The following TMEM132D variants were observed in gnomAD, a reference collection of about 807,000 sequenced individuals.
TMEM132D encodes mature OL transmembrane protein.
A neutral mutation model predicts 62.3 loss-of-function variants in TMEM132D; 21 were observed. The observed-to-expected ratio is 0.34, with a 90% CI of 0.24 to 0.49. The LOEUF is 0.49. TMEM132D is among the 20% of genes least tolerant of loss of function. The pLI, the probability that TMEM132D is intolerant of heterozygous loss-of-function variation, is 0.99. For missense variants in TMEM132D, 1,346 were observed against 1,402.8 expected (o/e 0.96, Z 0.65); for synonymous variants, 621 against 575.6 (o/e 1.08, Z -1.13).
rs1349881137 is a variant in TMEM132D at position 129,072,015 on chromosome 12, G to C, written c.*1860C>G. 1 of 152,180 alleles carries C rather than the reference G, an allele frequency of 6.6e-6. No homozygotes were observed. Among genetic ancestry groups the C allele is most frequent in the Non-Finnish European group, 1.5e-5 (1 of 68,034 alleles). The allele number at this position is 152,180 out of a possible 1,614,324, so 9.4% of individuals were successfully genotyped here. A position where few individuals can be genotyped will look rare whatever the true frequency, so the allele number is the denominator to read the frequency against. On this transcript the variant is annotated 3_prime_UTR_variant, in exon 9 of 9. Coordinates refer to ENST00000422113, the MANE Select transcript of TMEM132D (RefSeq NM_133448.3). Reference sequence around the variant, plus strand: ...GGCTGCAGAAACCTCAGTCTCAAGAGCACCACAGTTGCAGGGGAGAGGGCT... The same window carrying C: ...GGCTGCAGAAACCTCAGTCTCAAGACCACCACAGTTGCAGGGGAGAGGGCT...
chr12:129,501,893 TA>T (rs1875155337), intron 3 of TMEM132D, among the ~76,000 whole-genome samples: 1 of 152,192 alleles, frequency 6.6e-6, no homozygotes, highest in African/African-American at 2.4e-5. Context: ...AACTGGCTCC[TA>T]AAAATCTAGG....
intron 1 of TMEM132D, among the ~76,000 whole-genome samples, chr12:129,723,566 GA>G (rs1326722497): frequency 1.3e-5 from 2 of 152,290 alleles, no homozygotes; most frequent in Non-Finnish European, 2.9e-5. Flanking sequence ...GCAGACCCCA[GA>G]AATCTCAGCT....
intron 5 of TMEM132D, among the ~76,000 whole-genome samples, chr12:129,099,278 T>G (rs932736313): frequency 1.3e-5 from 2 of 152,230 alleles, no homozygotes; most frequent in African/African-American, 4.8e-5. Context: ...GTAACAACTC[T>G]GTGATTTTCT....
chr12:129,084,721 G>T lies in TMEM132D; in HGVS notation c.1444-19C>A. 6.2e-7 allele frequency: 1 copy of T among 1,611,766 alleles called. No individual in the cohort carries two copies. Among genetic ancestry groups the T allele is most frequent in the South Asian group, 1.1e-5 (1 of 90,560 alleles). On this transcript the variant is annotated intron_variant, in intron 5 of 8. Coordinates refer to ENST00000422113, the MANE Select transcript of TMEM132D (RefSeq NM_133448.3). ...CAGAAACCTGTGAAGAGGTGAGAGA[G>T]AAAAGGGGAGGGAAAGGTGAGCTTT...
chr12:129,664,096 A>C (rs1219752115), intron 2 of TMEM132D, among the ~76,000 whole-genome samples: 1 of 152,198 alleles, frequency 6.6e-6, no homozygotes, highest in Non-Finnish European at 1.5e-5. Flanking sequence ...TTTTTAAAAA[A>C]ATAGAGAGAA....
chr12:129,718,557 G>C (rs1055135237), intron 1 of TMEM132D, among the ~76,000 whole-genome samples: 11 of 152,168 alleles, frequency 7.2e-5, no homozygotes, highest in African/African-American at 2.4e-4. Flanking sequence ...ACTTATGAAG[G>C]CCTTTTATGG....
At chr12:129,075,637 G>A (rs1460811955) in intron 8 of TMEM132D, among the ~76,000 whole-genome samples, 2 of 152,214 alleles carry the variant, frequency 1.3e-5, no homozygotes, top group African/African-American at 4.8e-5. Flanking sequence ...CTGGCCTCAG[G>A]CCATAGTCTT....
At chr12:129,372,895 T>A (rs761878194) in intron 3 of TMEM132D, among the ~76,000 whole-genome samples, 10 of 152,118 alleles carry the variant, frequency 6.6e-5, no homozygotes, top group Non-Finnish European at 1.2e-4. Flanking sequence ...CCCAGAATCA[T>A]CCCCAAACTC....
At chr12:129,085,634 C>A (rs914427995) in intron 5 of TMEM132D, 7 of 149,244 alleles carry the variant, frequency 4.7e-5, no homozygotes, top group Non-Finnish European at 9.0e-5. Flanking sequence ...ACAACCACAA[C>A]GCTAGGCACC....
At chr12:129,381,625 A>G (rs1242052272) in intron 3 of TMEM132D, among the ~76,000 whole-genome samples, 1 of 152,188 alleles carries the variant, frequency 6.6e-6, no homozygotes, top group East Asian at 1.9e-4. Context: ...CCAGGATTAG[A>G]TTCCACGCAG....
intron 5 of TMEM132D, among the ~76,000 whole-genome samples, chr12:129,139,081 C>T (rs1168391522): frequency 6.6e-6 from 1 of 152,084 alleles, no homozygotes; most frequent in African/African-American, 2.4e-5. Flanking sequence ...ACGTGAGGCG[C>T]ACAGGGAGTA....
At chr12:129,733,513 A>G (rs937946898) in intron 1 of TMEM132D, among the ~76,000 whole-genome samples, 34 of 152,276 alleles carry the variant, frequency 2.2e-4, no homozygotes, top group African/African-American at 7.7e-4. Context: ...GAGCAGAGAA[A>G]AGCTGCCCCC....
intron 2 of TMEM132D, among the ~76,000 whole-genome samples, chr12:129,667,977 C>G (rs1163095545): frequency 1.3e-5 from 2 of 149,460 alleles, no homozygotes; most frequent in Non-Finnish European, 3.0e-5. Context: ...TGTTGTTATC[C>G]ACAGACCATT....
chr12:129,901,503 G>A (rs1875350197), intron 1 of TMEM132D, among the ~76,000 whole-genome samples: 1 of 152,130 alleles, frequency 6.6e-6, no homozygotes, highest in African/African-American at 2.4e-5. Context: ...TGAACTGTCT[G>A]GCTGACTTGC....
intron 2 of TMEM132D, among the ~76,000 whole-genome samples, chr12:129,665,432 G>A (rs1156998928): frequency 4.6e-5 from 7 of 152,054 alleles, no homozygotes; most frequent in Non-Finnish European, 8.8e-5. Flanking sequence ...AAATGAGCGC[G>A]TGGGCAAAGA....
At chr12:129,224,963 T>C (rs1593302192) in intron 4 of TMEM132D, among the ~76,000 whole-genome samples, 1 of 152,236 alleles carries the variant, frequency 6.6e-6, no homozygotes, top group East Asian at 1.9e-4. Flanking sequence ...ATATTGTTTA[T>C]ATTTTATTAG....
intron 5 of TMEM132D, among the ~76,000 whole-genome samples, chr12:129,128,440 A>T (rs1876278734): frequency 6.6e-6 from 1 of 152,088 alleles, no homozygotes; most frequent in South Asian, 2.1e-4. Flanking sequence ...GGAGCGAGAG[A>T]GTGACTGGGG....
chr12:129,428,195 C>A (rs111658620), intron 3 of TMEM132D, among the ~76,000 whole-genome samples: 1 of 152,068 alleles, frequency 6.6e-6, no homozygotes, highest in Non-Finnish European at 1.5e-5. Context: ...ATACGGAAAC[C>A]CATTTTAAAA....
At chr12:129,080,463 G>C (rs191652031) in intron 7 of TMEM132D, among the ~76,000 whole-genome samples, 1 of 152,108 alleles carries the variant, frequency 6.6e-6, no homozygotes, top group South Asian at 2.1e-4. Flanking sequence ...CCTGGTCTAC[G>C]GCCCAAACCC....
Sources: allele counts gnomAD v4.1 joint callset (sites outside exome capture counted in the v4.1 genomes callset), GRCh38; gene constraint gnomAD v4.1.1; transcripts MANE v1.5; gene names NCBI Gene and HGNC (gene_info 2026-07-23, HGNC 2026-07-21).